MYT1L: variants seen among roughly 807,000 people sequenced by gnomAD.
MYT1L encodes myelin transcription factor 1 like.
A neutral mutation model predicts 126.7 loss-of-function variants in MYT1L; 12 were observed. That is an observed-to-expected ratio of 0.09 (90% CI 0.06 to 0.15). The LOEUF (loss-of-function observed/expected upper bound fraction) is 0.15, where lower values mean the gene tolerates loss of function less well. Ranked by LOEUF, MYT1L falls within the 10% of genes least tolerant of loss-of-function variation. MYT1L has a pLI of 1.00. For synonymous variants in MYT1L, 541 were observed against 604.2 expected (o/e 0.90, Z 1.53); for missense variants, 979 against 1,585.2 (o/e 0.62, Z 6.49).
chr2:2,022,283 A>G (rs909785748), intron 4 of MYT1L, among the ~76,000 whole-genome samples: 22 of 152,156 alleles, frequency 1.4e-4, no homozygotes, highest in African/African-American at 5.1e-4. Context: ...TTAGGAGCAC[A>G]TGTCCCAGAG....
intron 18 of MYT1L, among the ~76,000 whole-genome samples, chr2:1,869,622 T>G (rs1336743073): frequency 6.6e-6 from 1 of 152,234 alleles, no homozygotes; most frequent in Non-Finnish European, 1.5e-5. Context: ...GACTTCATGC[T>G]GCCGTTTCTC....
chr2:2,092,250 G>C (rs1021743552), intron 3 of MYT1L, among the ~76,000 whole-genome samples: 1 of 152,028 alleles, frequency 6.6e-6, no homozygotes, highest in Admixed American at 6.6e-5. Flanking sequence ...TTGCAGGGTT[G>C]TTCGTTGGCC....
At chr2:1,961,129 C>A (rs2149385231) in intron 8 of MYT1L, among the ~76,000 whole-genome samples, 1 of 152,294 alleles carries the variant, frequency 6.6e-6, no homozygotes, top group East Asian at 1.9e-4. Context: ...GTGATCATTT[C>A]AAACCTGGCT....
chr2:2,239,883 C>T (rs561742400), intron 2 of MYT1L, among the ~76,000 whole-genome samples: 2 of 152,304 alleles, frequency 1.3e-5, no homozygotes, highest in South Asian at 2.1e-4. Flanking sequence ...CTTCTCTCTG[C>T]CCCCGGGTCC....
chr2:2,188,991 G>A (rs1312171430), intron 2 of MYT1L, among the ~76,000 whole-genome samples: 1 of 152,190 alleles, frequency 6.6e-6, no homozygotes, highest in Non-Finnish European at 1.5e-5. Flanking sequence ...ACTACAGGGA[G>A]AGGAAATTAA....
intron 2 of MYT1L, 26 bp downstream of exon 2, chr2:2,284,378 G>A (rs985202982): frequency 3.3e-5 from 5 of 152,220 alleles, no homozygotes; most frequent in African/African-American, 1.2e-4. Context: ...TAATACAACG[G>A]TAAGGTCCCA....
At chr2:1,835,669 C>A (rs2040784657) in intron 21 of MYT1L, among the ~76,000 whole-genome samples, 1 of 152,190 alleles carries the variant, frequency 6.6e-6, no homozygotes, top group Non-Finnish European at 1.5e-5. Context: ...TTTTCCTTTG[C>A]TGCACAAACA....
chr2:2,008,923 G>A (rs535503944), intron 4 of MYT1L, among the ~76,000 whole-genome samples: 36 of 151,982 alleles, frequency 2.4e-4, no homozygotes, highest in East Asian at 1.2e-3. Context: ...TTCCCAGCAC[G>A]GTTTATTGAA....
chr2:2,021,934 C>T (rs1480061775), intron 4 of MYT1L, among the ~76,000 whole-genome samples: 1 of 152,100 alleles, frequency 6.6e-6, no homozygotes, highest in Non-Finnish European at 1.5e-5. Flanking sequence ...ACTGAGATGC[C>T]ACTGTGACCA....
intron 5 of MYT1L, among the ~76,000 whole-genome samples, chr2:1,981,025 A>C (rs962521342): frequency 6.6e-6 from 1 of 152,056 alleles, no homozygotes; most frequent in Non-Finnish European, 1.5e-5. Context: ...GACTCATTAG[A>C]TGCCTGTGGC....
chr2:1,896,327 GTTACTGAGATTTACCCAAA>G (rs1271681930), intron 14 of MYT1L, among the ~76,000 whole-genome samples: 1 of 152,154 alleles, frequency 6.6e-6, no homozygotes, highest in African/African-American at 2.4e-5. Context: ...CAGCAGTCCT[GTTACTGAGATTTACCCAAA>G]TGAAAATAGA....
chr2:2,308,201 A>G (rs2095887272), intron 1 of MYT1L, among the ~76,000 whole-genome samples: 1 of 150,516 alleles, frequency 6.6e-6, no homozygotes, highest in Non-Finnish European at 1.5e-5. Context: ...CTTCACCTAC[A>G]CTTCAGTACA....
At chr2:1,960,211 T>C (rs1284044585) in intron 8 of MYT1L, among the ~76,000 whole-genome samples, 1 of 152,176 alleles carries the variant, frequency 6.6e-6, no homozygotes, top group Non-Finnish European at 1.5e-5. Context: ...AAAAAGGATA[T>C]GGCCTCTGAG....
intron 3 of MYT1L, among the ~76,000 whole-genome samples, chr2:2,163,982 G>C (rs2088531392): frequency 6.6e-6 from 1 of 152,006 alleles, no homozygotes; most frequent in South Asian, 2.1e-4. Flanking sequence ...GTTTCTTGTA[G>C]TGAAAAATGA....
intron 2 of MYT1L, among the ~76,000 whole-genome samples, chr2:2,215,629 G>A (rs1231243893): frequency 6.6e-6 from 1 of 152,164 alleles, no homozygotes; most frequent in African/African-American, 2.4e-5. Flanking sequence ...AGAACAAGTA[G>A]ACAGGAAATC....
chr2:2,183,971 GAGAA>G (rs950498402), intron 2 of MYT1L, among the ~76,000 whole-genome samples: 14 of 130,024 alleles, frequency 1.1e-4, no homozygotes, highest in East Asian at 2.1e-4. Context: ...GAGGGAAGAA[GAGAA>G]AGAAAGAGAG....
intron 2 of MYT1L, among the ~76,000 whole-genome samples, chr2:2,234,110 T>G (rs1489140376): frequency 6.6e-6 from 1 of 152,260 alleles, no homozygotes; most frequent in Non-Finnish European, 1.5e-5. Flanking sequence ...AAGTGACATT[T>G]GTGAAACGCA....
chr2:1,885,779 C>T (rs2048096478), intron 18 of MYT1L, among the ~76,000 whole-genome samples: 1 of 152,188 alleles, frequency 6.6e-6, no homozygotes, highest in Admixed American at 6.5e-5. Context: ...ACCCTCTTTC[C>T]CTGTGTGCAC....
chr2:1,926,904 A>G (rs575643111), intron 9 of MYT1L, among the ~76,000 whole-genome samples: 12 of 152,394 alleles, frequency 7.9e-5, no homozygotes, highest in African/African-American at 2.6e-4. Flanking sequence ...ATGTGTGATA[A>G]AAGAGCAATT....
Sources: gnomAD v4.1 joint callset for allele counts (sites outside exome capture counted in the v4.1 genomes callset) on GRCh38, gnomAD v4.1.1 for gene constraint, MANE v1.5 for transcripts, NCBI Gene and HGNC (gene_info 2026-07-23, HGNC 2026-07-21) for gene names.